THAP6: variants seen among roughly 807,000 people sequenced by gnomAD.
THAP6 encodes the protein THAP domain-containing protein 6.
Under a neutral mutation model 20.0 loss-of-function variants are expected in THAP6, and 13 were observed. That is an observed-to-expected ratio of 0.65 (90% CI 0.42 to 1.03). The LOEUF is 1.03. THAP6 is among the 50% of genes least tolerant of loss of function. The probability of loss-of-function intolerance (pLI) is 0.00; values close to 1 mark genes in which losing one functional copy is unlikely to be tolerated. For synonymous variants in THAP6, 93 were observed against 92.2 expected (o/e 1.01, Z -0.05); for missense variants, 262 against 261.6 (o/e 1.00, Z -0.01).
At chr4:75,532,741 A>G (rs748315248), downstream of THAP6, among the ~76,000 whole-genome samples, 1 of 152,224 alleles carries the variant, frequency 6.6e-6, no homozygotes, top group Non-Finnish European at 1.5e-5. Context: ...ATCATATGGA[A>G]GCTGCCAAGG....
Position 75,528,576 on chromosome 4 carries a change from C to G in THAP6, c.*1362C>G, listed in dbSNP as rs115010129. Reference sequence around the variant, plus strand: ...ATTAATATTAGTTAAGATATGGTCACTTGAATTTTTTGTATTTAAGAATTT... The same window carrying G: ...ATTAATATTAGTTAAGATATGGTCAGTTGAATTTTTTGTATTTAAGAATTT... On this transcript the variant is annotated 3_prime_UTR_variant, in exon 5 of 5. Transcript: ENST00000311638. 1 of 982,926 alleles carries G rather than the reference C, an allele frequency of 1.0e-6. No homozygotes were observed. The allele number at this position is 982,926 out of a possible 1,614,324, so 60.9% of individuals were successfully genotyped here. A position where few individuals can be genotyped will look rare whatever the true frequency, so the allele number is the denominator to read the frequency against.
downstream of THAP6, among the ~76,000 whole-genome samples, chr4:75,531,623 A>G (rs1338991024): frequency 6.6e-6 from 1 of 152,112 alleles, no homozygotes; most frequent in Non-Finnish European, 1.5e-5. Context: ...ATAAAGACAT[A>G]CCCGAGACTG....
intron 3 of THAP6, among the ~76,000 whole-genome samples, chr4:75,543,758 A>G (rs1727064650): frequency 6.6e-6 from 1 of 152,250 alleles, no homozygotes; most frequent in Admixed American, 6.5e-5. Flanking sequence ...GCAGTGGAGC[A>G]GAGAGAAGAG....
At chr4:75,521,705 C>T in intron 3 of THAP6, 31 bp from the exon 4 acceptor site, 1 of 1,506,770 alleles carries the variant, frequency 6.6e-7, no homozygotes. Flanking sequence ...AAGTATCTCA[C>T]TTGATGATTA....
intron 3 of THAP6, among the ~76,000 whole-genome samples, chr4:75,519,917 A>C (rs956651571): frequency 2.6e-4 from 40 of 151,984 alleles, no homozygotes; most frequent in South Asian, 6.3e-4. Context: ...GACTTCCACA[A>C]TGGTTGAACT....
Position 75,528,927 on chromosome 4 carries a change from C to T in THAP6, c.*1713C>T, listed in dbSNP as rs1726551680. ...AATTAGCCGGGCATGGTGGCACGTG[C>T]CTGTAATCCCAGCTACTTGGGAGAC... On this transcript the variant is annotated 3_prime_UTR_variant, in exon 5 of 5. Coordinates refer to ENST00000311638, the MANE Select transcript of THAP6 (RefSeq NM_144721.6). The T allele has an allele frequency of 4.4e-6, 2 of 449,830 alleles. No homozygotes were observed. Among genetic ancestry groups the T allele is most frequent in the Non-Finnish European group, 5.9e-6 (2 of 340,826 alleles). 27.9% of individuals were successfully genotyped at this position (449,830 alleles called of 1,614,324 possible).
intron 3 of THAP6, among the ~76,000 whole-genome samples, chr4:75,521,516 G>T (rs183673326): frequency 2.6e-5 from 4 of 152,082 alleles, no homozygotes; most frequent in Admixed American, 2.0e-4. Flanking sequence ...AGCTTGTAGG[G>T]TGTTTCCTTT....
chr4:75,535,441 C>G (rs552060566), intron 2 of THAP6, among the ~76,000 whole-genome samples: 1 of 152,012 alleles, frequency 6.6e-6, no homozygotes, highest in South Asian at 2.1e-4. Context: ...GGAATAAGTC[C>G]TTTGTTCCTG....
At chr4:75,539,997 G>A in intron 2 of THAP6, 1 of 1,528,122 alleles carries the variant, frequency 6.5e-7, no homozygotes, top group African/African-American at 1.4e-5. Flanking sequence ...TCCCTCTCTT[G>A]TGGCAGCTCA....
chr4:75,520,254 G>A (rs913641257), intron 3 of THAP6, among the ~76,000 whole-genome samples: 23 of 151,976 alleles, frequency 1.5e-4, no homozygotes, highest in Admixed American at 5.9e-4. Flanking sequence ...AGTAGGTTGC[G>A]AAAATTTTCT....
chr4:75,534,124 T>G (rs1195277091), downstream of THAP6, among the ~76,000 whole-genome samples: 1 of 152,196 alleles, frequency 6.6e-6, no homozygotes, highest in Admixed American at 6.5e-5. Flanking sequence ...TATTCTATGG[T>G]GTATATGTGC....
At chr4:75,514,251 A>G (rs750551513), upstream of THAP6, 3 of 1,612,516 alleles carry the variant, frequency 1.9e-6, no homozygotes, top group Non-Finnish European at 2.5e-6. Context: ...CTCGCTCTTG[A>G]CCGCTGGCGC....
chr4:75,539,334 T>C (rs2148831432), intron 2 of THAP6, among the ~76,000 whole-genome samples: 1 of 152,308 alleles, frequency 6.6e-6, no homozygotes, highest in African/African-American at 2.4e-5. Flanking sequence ...ATGTTTAGTG[T>C]AATAACCCAT....
At chr4:75,519,924 A>G (rs1278425416) in intron 3 of THAP6, among the ~76,000 whole-genome samples, 2 of 151,896 alleles carry the variant, frequency 1.3e-5, no homozygotes, top group Admixed American at 1.3e-4. Flanking sequence ...ACAATGGTTG[A>G]ACTAGTTTAC....
In THAP6 at chr4:75,527,941, G is replaced by C. The variant is rs890351588; in HGVS notation, c.*727G>C. On this transcript the variant is annotated 3_prime_UTR_variant, in exon 5 of 5. Transcript: ENST00000311638. ...TGATTTTTAAATGGTTGGTTGCTCT[G>C]ACAGATCTGAACACTTTGCTTCATG... 7.1e-6 allele frequency: 7 copies of C among 985,266 alleles called. No homozygotes were observed. The highest frequency in any genetic ancestry group is 2.3e-4 in the East Asian group (2 of 8,834). The allele number at this position is 985,266 out of a possible 1,614,324, so 61.0% of individuals were successfully genotyped here.
chr4:75,539,646 A>G (rs1187586353), intron 2 of THAP6, among the ~76,000 whole-genome samples: 4 of 152,228 alleles, frequency 2.6e-5, no homozygotes, highest in African/African-American at 9.6e-5. Context: ...GGGGAGAACC[A>G]AACAGACTTG....
At chr4:75,546,180 A>G (rs1402117042) in intron 3 of THAP6, among the ~76,000 whole-genome samples, 1 of 152,188 alleles carries the variant, frequency 6.6e-6, no homozygotes, top group Non-Finnish European at 1.5e-5. Context: ...CACATGTTCA[A>G]ACCACCAGGA....
In THAP6 at chr4:75,521,878, C is replaced by T; in HGVS notation, c.414+17C>T. 6.2e-7 allele frequency: 1 copy of T among 1,613,042 alleles called. No individual in the cohort carries two copies. Among genetic ancestry groups the T allele is most frequent in the Non-Finnish European group, 8.5e-7 (1 of 1,179,376 alleles). On this transcript the variant is annotated intron_variant, in intron 4 of 4. Transcript: ENST00000311638. ...TTCATTTTTGTAAGTAAATTACTTG[C>T]TGAGCTCATGTTAATTCTTTTAAGA...
At chr4:75,522,728 T>C (rs1410233761) in intron 4 of THAP6, 2 of 152,214 alleles carry the variant, frequency 1.3e-5, no homozygotes, top group Admixed American at 6.5e-5. Flanking sequence ...TCACTTAACA[T>C]AAAGTTCTCC....
Sources: gnomAD v4.1 joint callset for allele counts (sites outside exome capture counted in the v4.1 genomes callset) on GRCh38, gnomAD v4.1.1 for gene constraint, MANE v1.5 for transcripts, NCBI Gene and HGNC (gene_info 2026-07-23, HGNC 2026-07-21) for gene names.